The following PPP2R2B variants were observed in gnomAD, a reference collection of about 807,000 sequenced individuals.
PPP2R2B encodes serine/threonine-protein phosphatase 2A 55 kDa regulatory subunit B beta isoform.
A neutral mutation model predicts 46.0 loss-of-function variants in PPP2R2B; 5 were observed. The ratio of observed to expected loss-of-function variants is 0.11; its 90% CI spans 0.06 to 0.23. The LOEUF (loss-of-function observed/expected upper bound fraction) is 0.23, where lower values mean the gene tolerates loss of function less well. Among genes scored for constraint, PPP2R2B ranks in the 10% least tolerant of loss-of-function variants. The probability of loss-of-function intolerance (pLI) is 1.00; values close to 1 mark genes in which losing one functional copy is unlikely to be tolerated. For missense variants in PPP2R2B, 367 were observed against 575.0 expected (o/e 0.64, Z 3.70); for synonymous variants, 215 against 206.7 (o/e 1.04, Z -0.34).
chr5:146,678,308 T>A (rs1021980280), intron 5 of PPP2R2B, among the ~76,000 whole-genome samples: 1 of 150,530 alleles, frequency 6.6e-6, no homozygotes, highest in Non-Finnish European at 1.5e-5. Flanking sequence ...CTTATCTCAA[T>A]AGATGCAGAA....
At chr5:146,864,135 C>G (rs150135462) in intron 2 of PPP2R2B, among the ~76,000 whole-genome samples, 7 of 152,212 alleles carry the variant, frequency 4.6e-5, no homozygotes, top group African/African-American at 1.7e-4. Context: ...CATTATTTAT[C>G]TATTTCACAA....
chr5:147,011,151 T>C (rs1228038426), intron 1 of PPP2R2B, among the ~76,000 whole-genome samples: 1 of 152,132 alleles, frequency 6.6e-6, no homozygotes, highest in Admixed American at 6.6e-5. Context: ...ACAGGCACAC[T>C]CATGGCCTTT....
intron 1 of PPP2R2B, among the ~76,000 whole-genome samples, chr5:146,938,159 A>G (rs760819992): frequency 6.6e-6 from 1 of 152,206 alleles, no homozygotes; most frequent in Non-Finnish European, 1.5e-5. Context: ...GCTGTTATTA[A>G]ACTTGAAGTG....
At chr5:146,915,364 C>T (rs1763344553) in intron 1 of PPP2R2B, among the ~76,000 whole-genome samples, 1 of 152,014 alleles carries the variant, frequency 6.6e-6, no homozygotes, top group Non-Finnish European at 1.5e-5. Flanking sequence ...CTTCTTACAG[C>T]CCTTTGCATG....
At chr5:146,861,450 CA>C (rs1760995507) in intron 2 of PPP2R2B, among the ~76,000 whole-genome samples, 1 of 152,066 alleles carries the variant, frequency 6.6e-6, no homozygotes, top group East Asian at 1.9e-4. Flanking sequence ...CTCAGCCTCC[CA>C]AAGTTCTGGG....
At chr5:146,823,676 A>G (rs888871753) in intron 2 of PPP2R2B, among the ~76,000 whole-genome samples, 1 of 152,138 alleles carries the variant, frequency 6.6e-6, no homozygotes. Context: ...GGATTCAATC[A>G]TCCATGACAA....
chr5:146,778,666 A>G (rs568536991), intron 2 of PPP2R2B, among the ~76,000 whole-genome samples: 49 of 152,202 alleles, frequency 3.2e-4, no homozygotes, highest in Middle Eastern at 3.2e-3. Context: ...TGAGTTTTTG[A>G]TAACAAAGGG....
chr5:146,643,450 A>G (rs569315000), intron 6 of PPP2R2B, among the ~76,000 whole-genome samples: 1 of 152,220 alleles, frequency 6.6e-6, no homozygotes, highest in East Asian at 1.9e-4. Context: ...AAAGCAGGAA[A>G]GGGAGAGAGA....
chr5:147,073,595 A>G (rs1374960594), intron 2 of PPP2R2B, among the ~76,000 whole-genome samples: 1 of 152,216 alleles, frequency 6.6e-6, no homozygotes, highest in East Asian at 1.9e-4. Context: ...TTGGCTGCAC[A>G]GTATCTCACA....
chr5:146,936,773 C>G (rs1001409982), intron 1 of PPP2R2B, among the ~76,000 whole-genome samples: 2 of 152,048 alleles, frequency 1.3e-5, no homozygotes, highest in African/African-American at 2.4e-5. Flanking sequence ...TTACTCCTTG[C>G]CAGGTAACTG....
chr5:146,821,037 G>A (rs142697455), intron 2 of PPP2R2B, among the ~76,000 whole-genome samples: 7 of 151,884 alleles, frequency 4.6e-5, no homozygotes, highest in African/African-American at 1.7e-4. Context: ...CCGCCTCCTT[G>A]ACAGTGGTAC....
intron 2 of PPP2R2B, among the ~76,000 whole-genome samples, chr5:146,814,991 GA>G (rs1437656153): frequency 6.6e-6 from 1 of 152,194 alleles, no homozygotes; most frequent in Admixed American, 6.5e-5. Flanking sequence ...GACCTGTACA[GA>G]TTTGCCTCTG....
At chr5:146,839,406 G>A (rs1263183143) in intron 2 of PPP2R2B, among the ~76,000 whole-genome samples, 2 of 152,158 alleles carry the variant, frequency 1.3e-5, no homozygotes, top group African/African-American at 2.4e-5. Context: ...TGTAATCCCA[G>A]CTACTCGGGA....
intron 1 of PPP2R2B, among the ~76,000 whole-genome samples, chr5:146,963,848 A>C (rs1752287847): frequency 6.6e-6 from 1 of 152,160 alleles, no homozygotes. Flanking sequence ...AACTCTTACT[A>C]TCTGTGCTAA....
chr5:146,957,983 C>A (rs1751991695), intron 1 of PPP2R2B, among the ~76,000 whole-genome samples: 1 of 152,078 alleles, frequency 6.6e-6, no homozygotes, highest in South Asian at 2.1e-4. Flanking sequence ...TAAAGTGAAC[C>A]TAGGACTGAC....
intron 1 of PPP2R2B, among the ~76,000 whole-genome samples, chr5:147,052,926 G>A (rs1010077411): frequency 3.9e-5 from 6 of 152,098 alleles, no homozygotes; most frequent in African/African-American, 1.4e-4. Flanking sequence ...ACCAATAGTT[G>A]TGAACCACAT....
intron 1 of PPP2R2B, among the ~76,000 whole-genome samples, chr5:146,968,606 CT>C (rs1752539506): frequency 6.6e-6 from 1 of 152,150 alleles, no homozygotes; most frequent in South Asian, 2.1e-4. Flanking sequence ...TAGAAGAGTT[CT>C]TTAATTTTTT....
intron 2 of PPP2R2B, among the ~76,000 whole-genome samples, chr5:146,864,109 C>T (rs1048892169): frequency 1.3e-5 from 2 of 152,124 alleles, no homozygotes; most frequent in South Asian, 2.1e-4. Flanking sequence ...AATAAAGACA[C>T]GGTTTAGAGT....
At chr5:146,616,821 A>G (rs1384499603) in intron 7 of PPP2R2B, 2 of 152,266 alleles carry the variant, frequency 1.3e-5, no homozygotes, top group African/African-American at 2.4e-5. Context: ...AGATTCCTCA[A>G]AAAACTAAAA....
Sources: gnomAD v4.1 joint callset for allele counts (sites outside exome capture counted in the v4.1 genomes callset) on GRCh38, gnomAD v4.1.1 for gene constraint, MANE v1.5 for transcripts, NCBI Gene and HGNC (gene_info 2026-07-23, HGNC 2026-07-21) for gene names.